RBFOX1: variants seen among roughly 807,000 people sequenced by gnomAD.
The protein encoded by RBFOX1 is RNA binding fox-1 homolog 1, also known as RNA binding protein fox-1 homolog 1.
Under a neutral mutation model 57.7 loss-of-function variants are expected in RBFOX1, and 8 were observed. The observed-to-expected ratio is 0.14, with a 90% CI of 0.08 to 0.25. RBFOX1 has a LOEUF of 0.25. Among genes scored for constraint, RBFOX1 ranks in the 10% least tolerant of loss-of-function variants. The pLI is 1.00. For missense variants in RBFOX1, 611 were observed against 548.5 expected, an observed-to-expected ratio of 1.11 and a Z score of -1.14; for synonymous variants, 326 against 222.4, an observed-to-expected ratio of 1.47 and a Z score of -4.15.
intron 4 of RBFOX1, among the ~76,000 whole-genome samples, chr16:5,986,058 A>C (rs1040841664): frequency 1.0e-5 from 1 of 98,158 alleles, no homozygotes; most frequent in Admixed American, 1.1e-4. Flanking sequence ...TTTTTTCTTT[A>C]CTTTTTTTTT....
chr16:7,685,256 T>C (rs182814331), intron 14 of RBFOX1, among the ~76,000 whole-genome samples: 71 of 152,186 alleles, frequency 4.7e-4, no homozygotes, highest in Admixed American at 1.1e-3. Flanking sequence ...GATAAGAGGA[T>C]CTATCTTTAT....
chr16:7,266,133 C>G (rs1245136293), intron 4 of RBFOX1, among the ~76,000 whole-genome samples: 2 of 151,870 alleles, frequency 1.3e-5, no homozygotes, highest in Non-Finnish European at 2.9e-5. Context: ...CGCCAATACA[C>G]CTGGCTAATT....
chr16:6,650,859 T>G (rs909169150), intron 2 of RBFOX1, among the ~76,000 whole-genome samples: 1 of 152,182 alleles, frequency 6.6e-6, no homozygotes, highest in Non-Finnish European at 1.5e-5. Flanking sequence ...TTCTGTAGAC[T>G]TAACCACAAT....
intron 4 of RBFOX1, among the ~76,000 whole-genome samples, chr16:7,172,525 G>A (rs2080898848): frequency 1.3e-5 from 2 of 152,046 alleles, no homozygotes; most frequent in Non-Finnish European, 2.9e-5. Flanking sequence ...CTGCAAATTA[G>A]CACTACCTCC....
intron 1 of RBFOX1, among the ~76,000 whole-genome samples, chr16:6,116,279 G>A (rs948459719): frequency 6.6e-6 from 1 of 151,008 alleles, no homozygotes; most frequent in Admixed American, 6.6e-5. Context: ...GGGGGTGGGG[G>A]GCAGGGGAGG....
At chr16:7,654,800 A>G (rs1240454011) in intron 12 of RBFOX1, among the ~76,000 whole-genome samples, 1 of 152,170 alleles carries the variant, frequency 6.6e-6, no homozygotes, top group Non-Finnish European at 1.5e-5. Flanking sequence ...TGCAAGGTCT[A>G]GAGACATTTT....
At chr16:5,790,025 G>A (rs1406538747) in intron 3 of RBFOX1, among the ~76,000 whole-genome samples, 1 of 152,224 alleles carries the variant, frequency 6.6e-6, no homozygotes, top group Non-Finnish European at 1.5e-5. Flanking sequence ...GTGTGACCAT[G>A]ACTGTGGGTG....
chr16:5,406,985 T>A (rs1295372043), intron 1 of RBFOX1, among the ~76,000 whole-genome samples: 1 of 152,186 alleles, frequency 6.6e-6, no homozygotes, highest in Admixed American at 6.5e-5. Context: ...TAGTCCACTT[T>A]CACACTGCTA....
At chr16:7,505,299 C>G (rs2072900608) in intron 4 of RBFOX1, among the ~76,000 whole-genome samples, 1 of 150,998 alleles carries the variant, frequency 6.6e-6, no homozygotes. Flanking sequence ...AGTTCACAGT[C>G]CAGTTGGAGA....
intron 2 of RBFOX1, among the ~76,000 whole-genome samples, chr16:6,378,104 G>A (rs961015185): frequency 1.3e-5 from 2 of 152,248 alleles, no homozygotes; most frequent in Non-Finnish European, 1.5e-5. Flanking sequence ...GCCCGCCTAA[G>A]ATGATGGCTC....
At chr16:5,609,318 A>C (rs2047693886) in intron 3 of RBFOX1, among the ~76,000 whole-genome samples, 1 of 152,214 alleles carries the variant, frequency 6.6e-6, no homozygotes, top group African/African-American at 2.4e-5. Context: ...ATACGCCATC[A>C]GTCTATCCCA....
At chr16:5,562,607 G>A (rs1037599115) in intron 2 of RBFOX1, among the ~76,000 whole-genome samples, 35 of 152,082 alleles carry the variant, frequency 2.3e-4, no homozygotes, top group South Asian at 2.1e-4. Context: ...ATAGAAATGG[G>A]GTTCCTCCAA....
chr16:7,122,517 G>A (rs1450082385), intron 4 of RBFOX1, among the ~76,000 whole-genome samples: 2 of 152,036 alleles, frequency 1.3e-5, no homozygotes, highest in African/African-American at 4.8e-5. Context: ...AAACTAGGAT[G>A]GAATACCATT....
chr16:5,888,748 G>A (rs1404553320), intron 4 of RBFOX1, among the ~76,000 whole-genome samples: 5 of 142,172 alleles, frequency 3.5e-5, no homozygotes, highest in South Asian at 4.4e-4. Context: ...GTGAGGTTGC[G>A]ATCGTGCCAC....
At chr16:6,870,361 C>A (rs910664923) in intron 3 of RBFOX1, among the ~76,000 whole-genome samples, 2 of 152,110 alleles carry the variant, frequency 1.3e-5, no homozygotes, top group African/African-American at 4.8e-5. Context: ...CAAGATGCTC[C>A]TATTGGATTT....
intron 3 of RBFOX1, among the ~76,000 whole-genome samples, chr16:6,792,493 G>A (rs2083162464): frequency 6.6e-6 from 1 of 152,052 alleles, no homozygotes. Flanking sequence ...ATATTTTTGT[G>A]TCATCTACCA....
intron 2 of RBFOX1, among the ~76,000 whole-genome samples, chr16:6,640,596 A>G (rs1286159891): frequency 1.3e-5 from 2 of 151,766 alleles, no homozygotes; most frequent in Non-Finnish European, 2.9e-5. Flanking sequence ...CGACAGAGTA[A>G]GACTCCATTG....
chr16:6,948,375 C>CTT (rs968186299), intron 3 of RBFOX1, among the ~76,000 whole-genome samples: 1,134 of 67,984 alleles, frequency 0.017, 233 homozygotes, highest in African/African-American at 0.066. Flanking sequence ...TTCTCCCTTT[C>CTT]TTTTTTTTTT....
chr16:7,001,061 C>G (rs922784843), intron 3 of RBFOX1, among the ~76,000 whole-genome samples: 2 of 152,270 alleles, frequency 1.3e-5, no homozygotes, highest in East Asian at 1.9e-4. Context: ...AAATCTTTTA[C>G]TGATTCTTTG....
Sources: gnomAD v4.1 joint callset for allele counts (sites outside exome capture counted in the v4.1 genomes callset) on GRCh38, gnomAD v4.1.1 for gene constraint, MANE v1.5 for transcripts, NCBI Gene and HGNC (gene_info 2026-07-23, HGNC 2026-07-21) for gene names.